CALN1: variants seen among roughly 807,000 people sequenced by gnomAD.
The protein encoded by CALN1 is calcium-binding protein 8.
CALN1 carries 17 observed loss-of-function variants against 30.6 expected under a neutral mutation model. The ratio of observed to expected loss-of-function variants is 0.56; its 90% CI spans 0.38 to 0.83. The LOEUF (loss-of-function observed/expected upper bound fraction) is 0.83. CALN1 is among the 40% of genes least tolerant of loss of function. The probability of loss-of-function intolerance (pLI) is 0.00; values close to 1 mark genes in which losing one functional copy is unlikely to be tolerated. For missense variants in CALN1, 291 were observed against 354.9 expected (o/e 0.82, Z 1.45); for synonymous variants, 156 against 131.4 (o/e 1.19, Z -1.28).
chr7:72,409,904 C>T (rs1216565299), intron 1 of CALN1, among the ~76,000 whole-genome samples: 1 of 152,114 alleles, frequency 6.6e-6, no homozygotes, highest in Non-Finnish European at 1.5e-5. Flanking sequence ...TGTTGAGGGC[C>T]ACATTATAAT....
chr7:72,198,825 G>C (rs895426188), intron 3 of CALN1, among the ~76,000 whole-genome samples: 4 of 152,178 alleles, frequency 2.6e-5, no homozygotes, highest in Admixed American at 2.0e-4. Flanking sequence ...TTTGGGATGG[G>C]AAGATTTTTA....
chr7:71,814,679 T>C (rs1161422518), intron 5 of CALN1, among the ~76,000 whole-genome samples: 2 of 152,122 alleles, frequency 1.3e-5, no homozygotes, highest in Non-Finnish European at 2.9e-5. Context: ...GTGAACACCA[T>C]GAGGATGAAG....
At chr7:72,450,309 C>T (rs1483208044), upstream of CALN1, among the ~76,000 whole-genome samples, 2 of 152,164 alleles carry the variant, frequency 1.3e-5, no homozygotes, top group African/African-American at 4.8e-5. Flanking sequence ...ATCTTCTCTT[C>T]CCCTTAAAGA....
At chr7:71,904,155 A>G (rs1794005980) in intron 5 of CALN1, among the ~76,000 whole-genome samples, 1 of 152,236 alleles carries the variant, frequency 6.6e-6, no homozygotes, top group African/African-American at 2.4e-5. Flanking sequence ...TCCTCAAAAA[A>G]CTAAAAATAC....
chr7:71,897,964 A>AG (rs1793614836), intron 5 of CALN1, among the ~76,000 whole-genome samples: 1 of 121,286 alleles, frequency 8.2e-6, no homozygotes, highest in Non-Finnish European at 1.6e-5. Context: ...TTGGAAAAAA[A>AG]CAAAAAACAA....
intron 6 of CALN1, among the ~76,000 whole-genome samples, chr7:71,795,409 T>G (rs1164790862): frequency 6.6e-6 from 1 of 151,718 alleles, no homozygotes; most frequent in African/African-American, 2.4e-5. Flanking sequence ...TAAAAGGGCC[T>G]GCTCCTTGTG....
chr7:72,499,164 G>A, the CALN1 span, among the ~76,000 whole-genome samples: 1 of 152,020 alleles, frequency 6.6e-6, no homozygotes. Flanking sequence ...CCTAGTAGCT[G>A]GGATTACAGG....
At chr7:72,041,331 G>T (rs1223297456) in intron 4 of CALN1, among the ~76,000 whole-genome samples, 1 of 152,026 alleles carries the variant, frequency 6.6e-6, no homozygotes, top group Non-Finnish European at 1.5e-5. Flanking sequence ...CTGGAGTGAG[G>T]GGATGGGGGT....
intron 3 of CALN1, among the ~76,000 whole-genome samples, chr7:72,275,556 T>C (rs574774630): frequency 6.6e-6 from 1 of 152,286 alleles, no homozygotes; most frequent in East Asian, 1.9e-4. Context: ...ACGAATCTTC[T>C]GTCAGAAAAT....
intron 3 of CALN1, among the ~76,000 whole-genome samples, chr7:72,205,004 C>T (rs1464709970): frequency 6.6e-6 from 1 of 152,086 alleles, no homozygotes; most frequent in Non-Finnish European, 1.5e-5. Context: ...GCATTGCCAA[C>T]AATGGATATC....
intron 3 of CALN1, among the ~76,000 whole-genome samples, chr7:72,272,059 CAAAA>C (rs36004477): frequency 8.3e-6 from 1 of 120,912 alleles, no homozygotes; most frequent in Admixed American, 8.8e-5. Flanking sequence ...AAGATTCTGT[CAAAA>C]AAAAAAAAAA....
intron 3 of CALN1, among the ~76,000 whole-genome samples, chr7:72,112,343 T>G (rs146147087): frequency 7.6e-4 from 116 of 152,344 alleles, no homozygotes; most frequent in African/African-American, 2.6e-3. Flanking sequence ...TATCTCAGTA[T>G]GTGTACGATG....
chr7:72,269,220 T>C (rs1289635996), intron 3 of CALN1, among the ~76,000 whole-genome samples: 1 of 152,190 alleles, frequency 6.6e-6, no homozygotes, highest in Non-Finnish European at 1.5e-5. Context: ...TATTTTATTT[T>C]ATTATACTTT....
At chr7:72,272,798 A>T (rs578144049) in intron 3 of CALN1, among the ~76,000 whole-genome samples, 3 of 152,210 alleles carry the variant, frequency 2.0e-5, no homozygotes, top group African/African-American at 7.2e-5. Context: ...TCTATTCCTC[A>T]ACCCAAACCC....
chr7:71,887,050 A>G (rs1484115684), intron 5 of CALN1, among the ~76,000 whole-genome samples: 1 of 152,128 alleles, frequency 6.6e-6, no homozygotes, highest in Non-Finnish European at 1.5e-5. Context: ...AAAATTCTGA[A>G]CGGAGGAAAG....
At chr7:72,503,562 C>T in the CALN1 span, among the ~76,000 whole-genome samples, 1 of 152,164 alleles carries the variant, frequency 6.6e-6, no homozygotes, top group Non-Finnish European at 1.5e-5. Context: ...GCTTGAGTTT[C>T]TCTTTTCTCC....
At chr7:72,059,677 AT>A (rs1221461390) in intron 4 of CALN1, among the ~76,000 whole-genome samples, 12 of 152,098 alleles carry the variant, frequency 7.9e-5, no homozygotes, top group African/African-American at 2.9e-4. Context: ...ATCTCCCTAT[AT>A]TTTGGTGAAT....
chr7:71,884,616 C>T (rs990511645), intron 5 of CALN1, among the ~76,000 whole-genome samples: 8 of 151,872 alleles, frequency 5.3e-5, no homozygotes, highest in South Asian at 4.2e-4. Flanking sequence ...TTAAATCTTG[C>T]GCAAATTCCC....
chr7:71,910,556 C>T, intron 5 of CALN1, among the ~76,000 whole-genome samples: 1 of 152,160 alleles, frequency 6.6e-6, no homozygotes, highest in East Asian at 1.9e-4. Context: ...GGTATCAAAT[C>T]CACTGAAGCC....
Sources: allele counts gnomAD v4.1 joint callset (sites outside exome capture counted in the v4.1 genomes callset), GRCh38; gene constraint gnomAD v4.1.1; transcripts MANE v1.5; gene names NCBI Gene and HGNC (gene_info 2026-07-23, HGNC 2026-07-21).